The following ZNF37A variants were observed in gnomAD, a reference collection of about 807,000 sequenced individuals.
ZNF37A encodes the protein zinc finger protein 37A.
A neutral mutation model predicts 12.3 loss-of-function variants in ZNF37A; 10 were observed. The ratio of observed to expected loss-of-function variants is 0.82; its 90% CI spans 0.50 to 1.38. The LOEUF (loss-of-function observed/expected upper bound fraction) is 1.38. Among genes scored for constraint, ZNF37A ranks in the 40% most tolerant of loss-of-function variants. ZNF37A has a pLI of 0.00. For synonymous variants in ZNF37A, 207 were observed against 223.0 expected, an observed-to-expected ratio of 0.93 and a Z score of 0.64; for missense variants, 580 against 651.2, an observed-to-expected ratio of 0.89 and a Z score of 1.19.
At chr10:38,141,923 A>G (rs2070189286) in intron 7 of ZNF37A, 1 of 152,164 alleles carries the variant, frequency 6.6e-6, no homozygotes, top group African/African-American at 2.4e-5. Context: ...CAGCCTGGCC[A>G]ATGTAGTGAA....
Position 38,114,836 on chromosome 10 carries a change from T to A in ZNF37A, c.97T>A (p.Tyr33Asn), listed in dbSNP as rs1414937689. 25 of 1,613,936 alleles carry A rather than the reference T, an allele frequency of 1.5e-5. No individual in the cohort carries two copies. The highest frequency in any genetic ancestry group is 2.0e-5 in the Non-Finnish European group (24 of 1,179,980). Residue 33 changes from tyrosine to asparagine, a missense_variant, in exon 6 of 8, where the codon TAC becomes AAC. Transcript: ENST00000685332. ...TCTGGACCCTGCTCAGAGGACCCTGTACAGGGATGTGATGCTGGAGAACTA... is the reference window on the plus strand; with the variant it reads ...TCTGGACCCTGCTCAGAGGACCCTGAACAGGGATGTGATGCTGGAGAACTA... Reference protein sequence around the residue: ...QHLDPAQRTLYRDVMLENYSH... With the variant: ...QHLDPAQRTLNRDVMLENYSH...
At chr10:38,114,676 A>G in intron 5 of ZNF37A, 79 bp from the exon 6 acceptor site, 1 of 1,574,970 alleles carries the variant, frequency 6.3e-7, no homozygotes, top group Non-Finnish European at 8.7e-7. Context: ...TAAAAATGGT[A>G]AGAATTAGTC....
chr10:38,137,014 A>G (rs1323104139), intron 7 of ZNF37A, among the ~76,000 whole-genome samples: 12 of 152,026 alleles, frequency 7.9e-5, no homozygotes, highest in Admixed American at 7.9e-4. Context: ...CCTTTTTTGA[A>G]TAAACATTTT....
chr10:38,134,702 C>T (rs1212418861), intron 7 of ZNF37A, among the ~76,000 whole-genome samples: 2 of 152,204 alleles, frequency 1.3e-5, no homozygotes, highest in African/African-American at 4.8e-5. Flanking sequence ...CAGTCGGCCC[C>T]TACTGGGAGG....
At position 38,123,303 on chromosome 10, in the gene ZNF37A, A is replaced by G. The variant is rs1026469667; in HGVS notation, c.*4466A>G. The G allele has an allele frequency of 1.3e-5, 2 of 151,886 alleles. No homozygotes were observed. The highest frequency in any genetic ancestry group is 2.9e-5 in the Non-Finnish European group (2 of 68,028). The allele number at this position is 151,886 out of a possible 1,614,324, so 9.4% of individuals were successfully genotyped here. On this transcript the variant is annotated 3_prime_UTR_variant, in exon 8 of 8. Transcript: ENST00000685332. ...CATATACACCTACTTTGTACCCACAAAAATTTAAAAATAAAGTTAATTTCA... is the reference window on the plus strand; with the variant it reads ...CATATACACCTACTTTGTACCCACAGAAATTTAAAAATAAAGTTAATTTCA...
At chr10:38,132,385 A>G (rs2070040521) in intron 7 of ZNF37A, among the ~76,000 whole-genome samples, 1 of 152,008 alleles carries the variant, frequency 6.6e-6, no homozygotes, top group Non-Finnish European at 1.5e-5. Flanking sequence ...CCTTTCTTCT[A>G]TTAATAATAT....
chr10:38,115,244 G>A lies in ZNF37A; in HGVS notation c.192G>A (p.Glu64=), dbSNP rs746863144. Residue 64 remains glutamate (E), a synonymous_variant, in exon 7 of 8, where the codon GAG becomes GAA. Coordinates refer to ENST00000685332, the MANE Select transcript of ZNF37A (RefSeq NM_001324250.3). ...TGATTCTCAAGTTGGAGAAAGGCGAGGAGCCATGGATATTAGAGGAAAAAT... is the reference window on the plus strand; with the variant it reads ...TGATTCTCAAGTTGGAGAAAGGCGAAGAGCCATGGATATTAGAGGAAAAAT... ...PEVILKLEKG[E]EPWILEEKFP... 3 of 1,613,828 alleles carry A rather than the reference G, an allele frequency of 1.9e-6. No homozygotes were observed. The highest frequency in any genetic ancestry group is 4.5e-5 in the East Asian group (2 of 44,852).
chr10:38,113,718 CT>C (rs1473176575), intron 5 of ZNF37A, among the ~76,000 whole-genome samples: 2 of 152,226 alleles, frequency 1.3e-5, no homozygotes, highest in Admixed American at 1.3e-4. Context: ...TATAGACAAT[CT>C]ACCTCTAATG....
At chr10:38,150,118 G>C (rs2136090912) in exon 8 of ZNF37A, 1 of 152,334 alleles carries the variant, frequency 6.6e-6, no homozygotes, top group African/African-American at 2.4e-5. Context: ...GTTGCGCTCA[G>C]CACCTTCAGC....
At chr10:38,098,909 A>T (rs1233494764) in intron 5 of ZNF37A, among the ~76,000 whole-genome samples, 1 of 152,164 alleles carries the variant, frequency 6.6e-6, no homozygotes, top group Admixed American at 6.5e-5. Context: ...TTGAGTGTTG[A>T]TCTTGTATCC....
rs56124182 is a variant in ZNF37A at position 38,115,066 on chromosome 10, A to AGTGTGTGTGTGTGT, written c.143-92_143-79dup. 6.3e-4 allele frequency: 391 copies of AGTGTGTGTGTGTGT among 621,464 alleles called. 5 individuals carry two copies. The highest frequency in any genetic ancestry group is 1.0e-3 in the Admixed American group (30 of 29,752). 38.5% of individuals were successfully genotyped at this position (621,464 alleles called of 1,614,324 possible). A position where few individuals can be genotyped will look rare whatever the true frequency, so the allele number is the denominator to read the frequency against. ...CTGCCCCCATGACAGGATTAAATGA[A>AGTGTGTGTGTGTGT]GTGTGTGTGTGTGTGTGTGTGTGTG... On this transcript the variant is annotated intron_variant, in intron 6 of 7. Coordinates refer to ENST00000685332, the MANE Select transcript of ZNF37A (RefSeq NM_001324250.3).
downstream of ZNF37A, among the ~76,000 whole-genome samples, chr10:38,126,722 G>C (rs938093659): frequency 3.3e-5 from 5 of 152,206 alleles, no homozygotes; most frequent in Admixed American, 2.6e-4. Flanking sequence ...GAAGCCTCCA[G>C]AGCAACATGC....
At position 38,136,987 on chromosome 10, in the gene ZNF37A, CTTTTATAA is replaced by C. The variant is rs1348420968; in HGVS notation, c.239-9737_239-9730del. On this transcript the variant is annotated intron_variant, in intron 7 of 7. Coordinates refer to the ZNF37A transcript ENST00000638053. Reference sequence around the variant, plus strand: ...ACTTTTCATTTCTAGAATTTCTTGGCTTTTATAATTTTATATCCTTTTTTGAATAAACA... The same window carrying C: ...ACTTTTCATTTCTAGAATTTCTTGGCTTTTATATCCTTTTTTGAATAAACA... Among the ~76,000 whole-genome samples the C allele has an allele frequency of 1.2e-4, 19 of 152,170 alleles. No homozygotes were observed. The East Asian group carries it at 3.7e-3, about 29-fold the overall frequency.
rs561435961 is a variant in ZNF37A, at chr10:38,119,070, A to G, written c.*233A>G. ...AACTTATTGGTGAATGAATATAGGA[A>G]ACATTTTGCCCAATGCCACTCTTCA... On this transcript the variant is annotated 3_prime_UTR_variant, in exon 8 of 8. Coordinates refer to ENST00000685332, the MANE Select transcript of ZNF37A (RefSeq NM_001324250.3). 1.9e-5 allele frequency: 23 copies of G among 1,208,138 alleles called. No individual in the cohort carries two copies. The South Asian group carries it at 6.9e-4, about 36-fold the overall frequency. 74.8% of individuals were successfully genotyped at this position (1,208,138 alleles called of 1,614,324 possible).
At chr10:38,126,757 C>T (rs2069934098), downstream of ZNF37A, among the ~76,000 whole-genome samples, 1 of 152,192 alleles carries the variant, frequency 6.6e-6, no homozygotes. Context: ...CACCGTTTTC[C>T]TCCTCCATCT....
chr10:38,128,599 A>G (rs2069962181), downstream of ZNF37A, among the ~76,000 whole-genome samples: 1 of 152,162 alleles, frequency 6.6e-6, no homozygotes, highest in African/African-American at 2.4e-5. Flanking sequence ...ATTTTTTTCC[A>G]TATTTCTTCC....
At chr10:38,140,607 G>T (rs2070169359) in intron 7 of ZNF37A, 1 of 152,340 alleles carries the variant, frequency 6.6e-6, no homozygotes. Context: ...CATATACATA[G>T]AGATTGATAG....
chr10:38,141,594 A>G (rs1161132415), intron 7 of ZNF37A: 4 of 152,190 alleles, frequency 2.6e-5, no homozygotes, highest in African/African-American at 9.7e-5. Flanking sequence ...TCCTGGAACC[A>G]ATAATAATAA....
chr10:38,105,658 G>T (rs2504121), intron 5 of ZNF37A, among the ~76,000 whole-genome samples: 73,353 of 151,962 alleles, frequency 0.48, 17,870 homozygotes, highest in East Asian at 0.54. Flanking sequence ...AGGCCATGCC[G>T]CTTCATACTA....
Sources: gnomAD v4.1 joint callset for allele counts (sites outside exome capture counted in the v4.1 genomes callset) on GRCh38, gnomAD v4.1.1 for gene constraint, MANE v1.5 for transcripts, NCBI Gene and HGNC (gene_info 2026-07-23, HGNC 2026-07-21) for gene names.